Variants in YTHDC1 observed in about 807,000 individuals in gnomAD.
YTHDC1 encodes YTH N6-methyladenosine RNA binding protein C1.
Under a neutral mutation model 107.0 loss-of-function variants are expected in YTHDC1, and 12 were observed. The observed-to-expected ratio is 0.11, with a 90% confidence interval of 0.07 to 0.18. The LOEUF is 0.18. Among genes scored for constraint, YTHDC1 ranks in the 10% least tolerant of loss-of-function variants. The probability of loss-of-function intolerance (pLI) is 1.00; values close to 1 mark genes in which losing one functional copy is unlikely to be tolerated. For synonymous variants in YTHDC1, 280 were observed against 289.5 expected, an observed-to-expected ratio of 0.97 and a Z score of 0.33; for missense variants, 635 against 898.8, an observed-to-expected ratio of 0.71 and a Z score of 3.75.
chr4:68,346,008 T>C (rs1725372090), intron 1 of YTHDC1, among the ~76,000 whole-genome samples: 1 of 151,510 alleles, frequency 6.6e-6, no homozygotes, highest in Admixed American at 6.6e-5. Flanking sequence ...CCATCTTCAT[T>C]GTTAAATGAC....
chr4:68,331,686 A>T (rs1723598284), intron 7 of YTHDC1, among the ~76,000 whole-genome samples: 1 of 152,028 alleles, frequency 6.6e-6, no homozygotes, highest in African/African-American at 2.4e-5. Context: ...AAAAAATAAA[A>T]CTCTCCATAA....
Position 68,322,724 on chromosome 4 carries a change from T to C in YTHDC1, c.1601+25A>G. The C allele has an allele frequency of 6.2e-7, 1 of 1,611,342 alleles. No homozygotes were observed. The highest frequency in any genetic ancestry group is 8.5e-7 in the Non-Finnish European group (1 of 1,177,958). ...ATGTTATTCTGATACATGTGCCTAT[T>C]ATCAGTCCAAAGAACGTTTCTAACC... is the stretch of plus-strand genomic sequence containing the variant. On this transcript the variant is annotated intron_variant, in intron 11 of 16. Transcript: ENST00000344157. The surrounding 1 kb of genome is among the most constrained non-coding windows in gnomAD (Gnocchi z 4.8).
At chr4:68,346,206 G>A (rs1413308047) in intron 1 of YTHDC1, among the ~76,000 whole-genome samples, 13 of 151,658 alleles carry the variant, frequency 8.6e-5, no homozygotes, top group African/African-American at 1.9e-4. Flanking sequence ...GCTTAAGCCC[G>A]GGAGTTCAAG....
chr4:68,316,384 G>A lies in YTHDC1; in HGVS notation c.1889C>T (p.Pro630Leu). The A allele has an allele frequency of 1.2e-6, 2 of 1,614,090 alleles. No homozygotes were observed. Among genetic ancestry groups the A allele is most frequent in the African/African-American group, 1.3e-5 (1 of 75,028 alleles). ...HPYYQHHAPPPQAHPPYSGHH... is the reference protein window; with the variant it reads ...HPYYQHHAPPLQAHPPYSGHH... ...TCCTGAGTAAGGGGGATGAGCTTGAGGAGGTGGAGCATGGTGCTGATAGTA... is the reference window on the plus strand; with the variant it reads ...TCCTGAGTAAGGGGGATGAGCTTGAAGAGGTGGAGCATGGTGCTGATAGTA... Residue 630 changes from proline (P) to leucine (L), a missense_variant, in exon 16 of 17, where the codon CCT becomes CTT. This residue lies in a region of YTHDC1 where 256 missense variants were observed against 372.9 expected (regional missense o/e 0.69). Transcript: ENST00000344157.
chr4:68,334,891 A>G (rs1560493122), intron 4 of YTHDC1, among the ~76,000 whole-genome samples: 1 of 152,102 alleles, frequency 6.6e-6, no homozygotes, highest in Non-Finnish European at 1.5e-5. Flanking sequence ...AAAAGTTACT[A>G]AAAAGATCTG....
At chr4:68,321,683 T>TTAAAAA (rs1432680164) in intron 11 of YTHDC1, among the ~76,000 whole-genome samples, 26 of 152,328 alleles carry the variant, frequency 1.7e-4, no homozygotes, top group African/African-American at 6.3e-4. Flanking sequence ...TCCTACCTAC[T>TTAAAAA]CGACAGTGTC....
rs2874107 is a variant in YTHDC1, at chr4:68,323,063, T to C, written c.1435-148A>G. 8.7e-6 allele frequency: 6 copies of C among 688,188 alleles called. No homozygotes were observed. In the Admixed American group the frequency reaches 2.0e-4, roughly 22 times the overall value. 42.6% of individuals were successfully genotyped at this position (688,188 alleles called of 1,614,324 possible). A position where few individuals can be genotyped will look rare whatever the true frequency, so the allele number is the denominator to read the frequency against. ...GGGATTCCAATAAGACTTCCAGATT[T>C]ATAAAACATTTAAAAAGTGTTTTGT... is the stretch of plus-strand genomic sequence containing the variant. On this transcript the variant is annotated intron_variant, in intron 10 of 16. Coordinates refer to ENST00000344157, the MANE Select transcript of YTHDC1 (RefSeq NM_001031732.4).
In YTHDC1 at chr4:68,319,174, A is replaced by G. The variant is rs118164460; in HGVS notation, c.1685-312T>C. ...TTCACAGGGAAGGTAAGGGCAGAGG[A>G]ACTATCTTGAGCACACTATGACAGG... On this transcript the variant is annotated intron_variant, in intron 12 of 16. Coordinates refer to ENST00000344157, the MANE Select transcript of YTHDC1 (RefSeq NM_001031732.4). 1.2e-3 allele frequency among the ~76,000 whole-genome samples: 186 copies of G among 152,298 alleles called. 5 individuals carry two copies. The East Asian group carries it at 0.022, about 18-fold the overall frequency.
At chr4:68,338,114 T>C in intron 2 of YTHDC1, 169 bp downstream of exon 2, 1 of 893,414 alleles carries the variant, frequency 1.1e-6, no homozygotes, top group Non-Finnish European at 1.3e-6. Flanking sequence ...TTTCATATAT[T>C]AGAAAAAAAC....
intron 1 of YTHDC1, among the ~76,000 whole-genome samples, chr4:68,338,851 T>TACAC (rs572039415): frequency 1.3e-5 from 2 of 151,396 alleles, no homozygotes; most frequent in Non-Finnish European, 2.9e-5. Context: ...TTTCTCAAAA[T>TACAC]ACACACACAC....
At chr4:68,321,097 TA>T (rs1178748650) in intron 11 of YTHDC1, among the ~76,000 whole-genome samples, 1 of 152,042 alleles carries the variant, frequency 6.6e-6, no homozygotes, top group Non-Finnish European at 1.5e-5. Flanking sequence ...TAGCAGCTAA[TA>T]AAGAGTTAAA....
chr4:68,346,105 A>G (rs993741001), intron 1 of YTHDC1, among the ~76,000 whole-genome samples: 1 of 150,576 alleles, frequency 6.6e-6, no homozygotes, highest in Admixed American at 6.6e-5. Flanking sequence ...ATATATACAC[A>G]CACACCTGCA....
rs751619799 is a variant in YTHDC1 at position 68,318,640 on chromosome 4, A to T, written c.1761+50T>A. 52 of 1,609,974 alleles carry T rather than the reference A, an allele frequency of 3.2e-5. No individual in the cohort carries two copies. In the South Asian group the frequency reaches 5.6e-4, roughly 17 times the overall value. ...AAAATTATCACAGAACTGCAAAATA[A>T]ATCAGAGCCTGATTTTATCCACATT... On this transcript the variant is annotated intron_variant, in intron 14 of 16. Transcript: ENST00000344157.
At chr4:68,339,273 A>T (rs1724555282) in intron 1 of YTHDC1, among the ~76,000 whole-genome samples, 1 of 152,218 alleles carries the variant, frequency 6.6e-6, no homozygotes, top group African/African-American at 2.4e-5. Flanking sequence ...AGCTGAACCT[A>T]CATGAGGAAA....
intron 16 of YTHDC1, among the ~76,000 whole-genome samples, chr4:68,314,535 G>GAT (rs1472932172): frequency 6.6e-6 from 1 of 152,196 alleles, no homozygotes; most frequent in Non-Finnish European, 1.5e-5. Context: ...GAAAAAGGAT[G>GAT]ATGCCTCATT....
At position 68,310,540 on chromosome 4, in the gene YTHDC1, T is replaced by C. The variant is rs570750506; in HGVS notation, c.*3559A>G. On this transcript the variant is annotated 3_prime_UTR_variant, in exon 17 of 17. Transcript: ENST00000344157. ...GAGATTAAATGATCTACATGATAGA[T>C]AACAGAATACTATGCATGGATTGCT... The C allele has an allele frequency of 2.0e-5, 3 of 152,332 alleles. No homozygotes were observed. Among genetic ancestry groups the C allele is most frequent in the East Asian group, 1.9e-4 (1 of 5,178 alleles). The allele number at this position is 152,332 out of a possible 1,614,324, so 9.4% of individuals were successfully genotyped here. A position where few individuals can be genotyped will look rare whatever the true frequency, so the allele number is the denominator to read the frequency against.
In YTHDC1 at chr4:68,314,011, G is replaced by A; in HGVS notation, c.*88C>T. ...CAATGAACTTCATAGGCAGACAGCTGAAAATAAATTTACTACTTGTAAACA... is the reference window on the plus strand; with the variant it reads ...CAATGAACTTCATAGGCAGACAGCTAAAAATAAATTTACTACTTGTAAACA... On this transcript the variant is annotated 3_prime_UTR_variant, in exon 17 of 17. Coordinates refer to ENST00000344157, the MANE Select transcript of YTHDC1 (RefSeq NM_001031732.4). 7.4e-7 allele frequency: 1 copy of A among 1,348,516 alleles called. No homozygotes were observed. The highest frequency in any genetic ancestry group is 1.0e-6 in the Non-Finnish European group (1 of 967,290). The allele number at this position is 1,348,516 out of a possible 1,614,324, so 83.5% of individuals were successfully genotyped here.
intron 12 of YTHDC1, 66 bp downstream of exon 12, chr4:68,320,057 T>C (rs1160881323): frequency 2.8e-6 from 4 of 1,408,466 alleles, no homozygotes; most frequent in Non-Finnish European, 3.9e-6. Flanking sequence ...TGAGGGTTGT[T>C]TTTAATTTTT....
intron 1 of YTHDC1, among the ~76,000 whole-genome samples, chr4:68,342,611 C>T (rs1055831190): frequency 5.9e-5 from 9 of 152,068 alleles, no homozygotes; most frequent in Admixed American, 2.0e-4. Context: ...TTTTTAATAA[C>T]AAAAATTCAT....
Sources: gnomAD v4.1 joint callset for allele counts (sites outside exome capture counted in the v4.1 genomes callset) on GRCh38, gnomAD v4.1.1 for gene constraint, gnomAD v4.1.1 regional missense constraint, Gnocchi (gnomAD v3.1) non-coding constraint, MANE v1.5 for transcripts, NCBI Gene and HGNC (gene_info 2026-07-23, HGNC 2026-07-21) for gene names.